AKAP13: variants seen among roughly 807,000 people sequenced by gnomAD.
AKAP13 encodes the protein A-kinase anchor protein 13.
In AKAP13, 80 loss-of-function variants were observed where a neutral mutation model predicts 264.5. The ratio of observed to expected loss-of-function variants is 0.30; its 90% CI spans 0.25 to 0.36. AKAP13 has a LOEUF of 0.36. Among genes scored for constraint, AKAP13 ranks in the 10% least tolerant of loss-of-function variants. The pLI, the probability that AKAP13 is intolerant of heterozygous loss-of-function variation, is 1.00. For missense variants in AKAP13, 3,712 were observed against 3,435.2 expected, an observed-to-expected ratio of 1.08 and a Z score of -2.01; for synonymous variants, 1,380 against 1,250.2, an observed-to-expected ratio of 1.10 and a Z score of -2.19.
chr15:85,613,713 T>TGTATGTA (rs1254657975), intron 8 of AKAP13, among the ~76,000 whole-genome samples: 1 of 110,988 alleles, frequency 9.0e-6, no homozygotes, highest in African/African-American at 3.4e-5. Context: ...TATATATATA[T>TGTATGTA]TAGGAGTGCT....
intron 2 of AKAP13, among the ~76,000 whole-genome samples, chr15:85,501,926 G>T (rs1446158613): frequency 1.3e-5 from 2 of 152,214 alleles, no homozygotes; most frequent in Non-Finnish European, 2.9e-5. Flanking sequence ...AGTGGAATTT[G>T]TTGGGAAGAA....
In AKAP13 at chr15:85,517,183, C is replaced by T. The variant is rs568123729; in HGVS notation, c.34-4245C>T. On this transcript the variant is annotated intron_variant, in intron 2 of 36. Transcript: ENST00000394518. ...GACACTTCCTTACTATCTAAGATGACATCAGTGCCATCCTGTCTTTCACTC... is the reference window on the plus strand; with the variant it reads ...GACACTTCCTTACTATCTAAGATGATATCAGTGCCATCCTGTCTTTCACTC... Among the ~76,000 whole-genome samples, 5 of 152,288 alleles carry T rather than the reference C, an allele frequency of 3.3e-5. No homozygotes were observed. The South Asian group carries it at 1.0e-3, about 32-fold the overall frequency.
chr15:85,611,850 T>A (rs1445719486), intron 8 of AKAP13, among the ~76,000 whole-genome samples: 1 of 152,122 alleles, frequency 6.6e-6, no homozygotes, highest in Non-Finnish European at 1.5e-5. Flanking sequence ...TCAGTCTCTC[T>A]AGCTTTCCTT....
intron 6 of AKAP13, 142 bp from the exon 7 acceptor site, chr15:85,578,788 A>G: frequency 1.4e-6 from 1 of 721,854 alleles, no homozygotes; most frequent in East Asian, 2.7e-5. Flanking sequence ...ATTTATTTGT[A>G]TTCTTTTAGA....
chr15:85,522,329 T>C (rs35316253), intron 3 of AKAP13, among the ~76,000 whole-genome samples: 36,398 of 152,082 alleles, frequency 0.24, 5,768 homozygotes, highest in Middle Eastern at 0.41. Context: ...CATATATATC[T>C]AGAAAGGGCA....
chr15:85,596,511 G>C (rs1307579096), intron 8 of AKAP13, among the ~76,000 whole-genome samples: 2 of 152,066 alleles, frequency 1.3e-5, no homozygotes, highest in Non-Finnish European at 2.9e-5. Context: ...TGAGCCTGGG[G>C]AGGTGGAGGC....
In AKAP13 at chr15:85,722,351, AG is replaced by A. The variant is rs2087337156; in HGVS notation, c.6496+5del. 1.2e-6 allele frequency: 2 copies of A among 1,603,472 alleles called. No homozygotes were observed. The stretch of plus-strand genomic sequence containing the variant: ...AGAATATTGCAGTGTACCAAAGGTA[AG>A]TCTCCTTTCTAACTCGGTCTTGTAT... On this transcript the variant is annotated splice_donor_5th_base_variant and intron_variant, in intron 25 of 36. Transcript: ENST00000394518.
At chr15:85,385,711 T>G (rs1253796326) in intron 1 of AKAP13, among the ~76,000 whole-genome samples, 1 of 152,274 alleles carries the variant, frequency 6.6e-6, no homozygotes, top group African/African-American at 2.4e-5. Flanking sequence ...CATTCTTTGA[T>G]GTCAATTCAA....
intron 5 of AKAP13, among the ~76,000 whole-genome samples, chr15:85,565,005 GT>G (rs1481440972): frequency 6.6e-6 from 1 of 152,156 alleles, no homozygotes; most frequent in Non-Finnish European, 1.5e-5. Context: ...CCCAAAGGAT[GT>G]TTAAAAACAA....
At chr15:85,639,504 C>A in intron 9 of AKAP13, 55 bp downstream of exon 9, 2 of 1,321,572 alleles carry the variant, frequency 1.5e-6, no homozygotes, top group South Asian at 2.4e-5. Context: ...TCTGGCAGAT[C>A]GTTTTATTTG....
At chr15:85,638,559 T>C (rs1055492059) in intron 8 of AKAP13, among the ~76,000 whole-genome samples, 3 of 152,140 alleles carry the variant, frequency 2.0e-5, no homozygotes, top group African/African-American at 7.2e-5. Flanking sequence ...AAGAGAGGAG[T>C]ATTGAAATCT....
intron 8 of AKAP13, among the ~76,000 whole-genome samples, chr15:85,615,363 G>A (rs2151404478): frequency 6.6e-6 from 1 of 152,240 alleles, no homozygotes; most frequent in East Asian, 1.9e-4. Flanking sequence ...GTATGTTAGT[G>A]AATGCTAGGA....
At chr15:85,721,715 C>T (rs1437550743) in intron 23 of AKAP13, among the ~76,000 whole-genome samples, 1 of 152,214 alleles carries the variant, frequency 6.6e-6, no homozygotes, top group East Asian at 1.9e-4. Flanking sequence ...TCCGTGTGCA[C>T]AGTACATAAA....
intron 1 of AKAP13, among the ~76,000 whole-genome samples, chr15:85,428,562 T>G: frequency 1.3e-5 from 2 of 152,366 alleles, no homozygotes; most frequent in Non-Finnish European, 2.9e-5. Flanking sequence ...AAGTTTGGCC[T>G]GAAGCCTCAG....
chr15:85,673,691 T>TTTTTTTTTTTC (rs2084051601), intron 14 of AKAP13, among the ~76,000 whole-genome samples: 1 of 92,538 alleles, frequency 1.1e-5, no homozygotes, highest in Non-Finnish European at 2.4e-5. Flanking sequence ...TTTTTTTTTT[T>TTTTTTTTTTTC]TGGGGAGACA....
intron 8 of AKAP13, among the ~76,000 whole-genome samples, chr15:85,612,131 T>C (rs35837655): frequency 0.03 from 4,626 of 152,378 alleles, 108 homozygotes; most frequent in Middle Eastern, 0.075. Context: ...GTCCCAATAA[T>C]GTCACAGATT....
At chr15:85,414,447 A>C (rs1254024365) in intron 1 of AKAP13, among the ~76,000 whole-genome samples, 2 of 152,206 alleles carry the variant, frequency 1.3e-5, no homozygotes, top group Non-Finnish European at 2.9e-5. Context: ...ATAGCTTTGT[A>C]TTCTGGTGAT....
chr15:85,546,138 C>T (rs947515658), intron 5 of AKAP13, among the ~76,000 whole-genome samples: 7 of 151,992 alleles, frequency 4.6e-5, no homozygotes, highest in African/African-American at 9.7e-5. Flanking sequence ...CATGTTGTAA[C>T]GTGTCAGAAA....
In AKAP13 at chr15:85,669,786, C is replaced by G; in HGVS notation, c.5057C>G (p.Thr1686Arg). 1 of 1,613,434 alleles carries G rather than the reference C, an allele frequency of 6.2e-7. No individual in the cohort carries two copies. Among genetic ancestry groups the G allele is most frequent in the Non-Finnish European group, 8.5e-7 (1 of 1,179,472 alleles). Residue 1686 changes from threonine (T) to arginine (R), a missense_variant, in exon 14 of 37, where the codon ACA (threonine) becomes AGA (arginine). Thr to Arg is a moderately conservative substitution (Grantham distance 71). Transcript: ENST00000394518. ...ACATCAGCCATTTCCTCTCCATTGA[C>G]AAAATCCATCTCATTAATGACAATC... ...YCTSAISSPL[T>R]KSISLMTISH...
Sources: allele counts gnomAD v4.1 joint callset (sites outside exome capture counted in the v4.1 genomes callset), GRCh38; gene constraint gnomAD v4.1.1; transcripts MANE v1.5; gene names NCBI Gene and HGNC (gene_info 2026-07-23, HGNC 2026-07-21).